SRGAP1: variants seen among roughly 807,000 people sequenced by gnomAD.
SRGAP1 encodes the protein SLIT-ROBO Rho GTPase activating protein 1.
Under a neutral mutation model 121.9 loss-of-function variants are expected in SRGAP1, and 43 were observed. The observed-to-expected ratio is 0.35, with a 90% confidence interval of 0.28 to 0.46. The LOEUF (loss-of-function observed/expected upper bound fraction) is 0.46, where lower values mean the gene tolerates loss of function less well. SRGAP1 is among the 20% of genes least tolerant of loss of function. SRGAP1 has a pLI of 1.00. For missense variants in SRGAP1, 1,102 were observed against 1,350.9 expected, an observed-to-expected ratio of 0.82 and a Z score of 2.89; for synonymous variants, 447 against 485.4, an observed-to-expected ratio of 0.92 and a Z score of 1.04.
At chr12:64,104,818 T>C (rs1192862326) in intron 15 of SRGAP1, among the ~76,000 whole-genome samples, 2 of 152,162 alleles carry the variant, frequency 1.3e-5, no homozygotes, top group African/African-American at 4.8e-5. Flanking sequence ...TTTTTTAGTG[T>C]CACTTATGTC....
intron 1 of SRGAP1, among the ~76,000 whole-genome samples, chr12:63,969,201 T>A (rs2032866957): frequency 6.6e-6 from 1 of 152,128 alleles, no homozygotes; most frequent in African/African-American, 2.4e-5. Context: ...ACAAAGAATT[T>A]CTGTTTGGTG....
intron 1 of SRGAP1, among the ~76,000 whole-genome samples, chr12:63,951,741 G>A (rs1003166660): frequency 2.0e-5 from 3 of 152,018 alleles, no homozygotes; most frequent in African/African-American, 7.3e-5. Flanking sequence ...TTATGTTGAT[G>A]GAATGAAGAC....
chr12:64,132,110 G>A (rs372733177), intron 21 of SRGAP1, among the ~76,000 whole-genome samples: 12 of 152,216 alleles, frequency 7.9e-5, no homozygotes, highest in African/African-American at 9.6e-5. Context: ...GAGAGGTGAC[G>A]TTGCAGTGAG....
At chr12:63,989,819 T>G in intron 2 of SRGAP1, 91 bp from the exon 3 acceptor site, 1 of 908,698 alleles carries the variant, frequency 1.1e-6, no homozygotes, top group Non-Finnish European at 1.7e-6. Flanking sequence ...TATCCATCTG[T>G]TGTGGTTCTT....
intron 1 of SRGAP1, among the ~76,000 whole-genome samples, chr12:63,960,422 A>G (rs1029822758): frequency 2.6e-5 from 4 of 151,864 alleles, no homozygotes; most frequent in African/African-American, 7.2e-5. Flanking sequence ...GAGCTTCCTC[A>G]TGGGTTCCTC....
intron 9 of SRGAP1, 64 bp downstream of exon 9, chr12:64,079,180 C>T: frequency 6.4e-7 from 1 of 1,571,226 alleles, no homozygotes; most frequent in Non-Finnish European, 8.7e-7. Context: ...AGTGCCACTT[C>T]TATAGTCACA....
At chr12:63,859,548 T>TTG (rs1899374868) in intron 1 of SRGAP1, among the ~76,000 whole-genome samples, 1 of 152,204 alleles carries the variant, frequency 6.6e-6, no homozygotes, top group African/African-American at 2.4e-5. Flanking sequence ...TTCATTTTCA[T>TTG]TGAATTTATT....
intron 2 of SRGAP1, among the ~76,000 whole-genome samples, chr12:63,988,747 A>T (rs184712386): frequency 6.6e-6 from 1 of 152,220 alleles, no homozygotes; most frequent in Non-Finnish European, 1.5e-5. Flanking sequence ...CTGCATTAGC[A>T]TAAGGATTCT....
At chr12:63,921,410 C>G (rs1185849109) in intron 1 of SRGAP1, among the ~76,000 whole-genome samples, 1 of 152,214 alleles carries the variant, frequency 6.6e-6, no homozygotes. Context: ...GACCAGGTTC[C>G]TGCCCATATC....
intron 1 of SRGAP1, among the ~76,000 whole-genome samples, chr12:63,893,839 T>TTTTG (rs1365846648): frequency 6.6e-6 from 1 of 152,136 alleles, no homozygotes; most frequent in Non-Finnish European, 1.5e-5. Context: ...AAGTCTTCAT[T>TTTTG]TTTGTTTGTT....
In SRGAP1 at chr12:64,063,006, G is replaced by A. The variant is rs757609288; in HGVS notation, c.891G>A (p.Glu297=). The A allele has an allele frequency of 3.7e-6, 6 of 1,614,050 alleles. No homozygotes were observed. In the East Asian group the frequency reaches 1.1e-4, roughly 30 times the overall value. Residue 297 remains glutamate (E), a synonymous_variant, in exon 7 of 22, where the codon GAG becomes GAA. Coordinates refer to ENST00000355086, the MANE Select transcript of SRGAP1 (RefSeq NM_020762.4). ...ACAACCTTGAAACCTCCAGACATGA[G>A]GGCTTAGACATTATTGAGAATGCAG... ...AEYNLETSRH[E]GLDIIENAVD...
intron 1 of SRGAP1, among the ~76,000 whole-genome samples, chr12:63,960,826 G>A (rs969315780): frequency 1.2e-4 from 18 of 152,140 alleles, no homozygotes; most frequent in African/African-American, 4.1e-4. Context: ...TCAGTCCAGG[G>A]CCAGGGGATG....
chr12:64,084,311 T>C (rs934323918), intron 10 of SRGAP1, among the ~76,000 whole-genome samples: 11 of 152,186 alleles, frequency 7.2e-5, no homozygotes, highest in African/African-American at 2.7e-4. Flanking sequence ...GTTATTTTTT[T>C]CCTTCAAAAT....
In SRGAP1 at chr12:64,091,265, C is replaced by T. The variant is rs1475901321; in HGVS notation, c.1437-11C>T. 1.1e-5 allele frequency: 17 copies of T among 1,552,256 alleles called. No individual in the cohort carries two copies. The highest frequency in any genetic ancestry group is 1.4e-5 in the Non-Finnish European group (16 of 1,140,130). ...TCTGCCATGCTCAGTAATTATATTC[C>T]CTTCCCTTAGGCCTCCAAATGTTCC... is the stretch of plus-strand genomic sequence containing the variant. On this transcript the variant is annotated splice_polypyrimidine_tract_variant and intron_variant, in intron 11 of 21. Transcript: ENST00000355086.
chr12:64,039,304 A>G (rs2136499809), intron 4 of SRGAP1, among the ~76,000 whole-genome samples: 1 of 152,298 alleles, frequency 6.6e-6, no homozygotes, highest in Middle Eastern at 3.4e-3. Context: ...ATGATGAGAT[A>G]CACTCTTTTC....
intron 3 of SRGAP1, among the ~76,000 whole-genome samples, chr12:64,003,385 C>T (rs555877000): frequency 6.7e-6 from 1 of 149,930 alleles, no homozygotes; most frequent in South Asian, 2.1e-4. Context: ...TCATGTCTGA[C>T]CACAAAGACT....
chr12:64,030,462 AG>A (rs770631073), intron 4 of SRGAP1, among the ~76,000 whole-genome samples: 30 of 152,380 alleles, frequency 2.0e-4, no homozygotes, highest in Admixed American at 3.9e-4. Context: ...CTTTTTAATA[AG>A]GCATAAAACA....
intron 4 of SRGAP1, among the ~76,000 whole-genome samples, chr12:64,026,117 T>C (rs2034648407): frequency 6.6e-6 from 1 of 152,066 alleles, no homozygotes; most frequent in Admixed American, 6.5e-5. Context: ...TGAACCCCAA[T>C]GTAATTATTT....
At chr12:64,051,120 C>A (rs927053145) in intron 6 of SRGAP1, among the ~76,000 whole-genome samples, 1 of 152,166 alleles carries the variant, frequency 6.6e-6, no homozygotes, top group Non-Finnish European at 1.5e-5. Flanking sequence ...TGTCATTTAT[C>A]CTGTTTCTTT....
Sources: gnomAD v4.1 joint callset for allele counts (sites outside exome capture counted in the v4.1 genomes callset) on GRCh38, gnomAD v4.1.1 for gene constraint, MANE v1.5 for transcripts, NCBI Gene and HGNC (gene_info 2026-07-23, HGNC 2026-07-21) for gene names.